The following GART variants were observed in gnomAD, a reference collection of about 807,000 sequenced individuals.
GART encodes the protein trifunctional purine biosynthetic protein adenosine-3.
In GART, 43 loss-of-function variants were observed where a neutral mutation model predicts 107.2. The observed-to-expected ratio is 0.40, with a 90% CI of 0.31 to 0.52. The LOEUF is 0.52. Ranked by LOEUF, GART falls within the 20% of genes least tolerant of loss-of-function variation. The probability of loss-of-function intolerance (pLI) is 0.52; values close to 1 mark genes in which losing one functional copy is unlikely to be tolerated. For missense variants in GART, 1,107 were observed against 1,206.5 expected (o/e 0.92, Z 1.22); for synonymous variants, 434 against 427.0 (o/e 1.02, Z -0.20).
intron 4 of GART, among the ~76,000 whole-genome samples, chr21:33,532,784 A>C (rs1265264175): frequency 6.6e-6 from 1 of 152,206 alleles, no homozygotes; most frequent in Non-Finnish European, 1.5e-5. Context: ...TAGTACTCTC[A>C]TTCAGGTAGA....
intron 16 of GART, among the ~76,000 whole-genome samples, chr21:33,515,559 G>A (rs1421214021): frequency 2.2e-5 from 3 of 138,478 alleles, no homozygotes; most frequent in Non-Finnish European, 3.0e-5. Context: ...AGAATCAGTT[G>A]AATCCAGGAG....
chr21:33,515,630 G>C (rs1482784816), intron 16 of GART, among the ~76,000 whole-genome samples: 1 of 127,686 alleles, frequency 7.8e-6, no homozygotes, highest in Admixed American at 9.5e-5. Context: ...CTCCAGCCTG[G>C]CGACAGAGCA....
chr21:33,531,489 C>A lies in GART; in HGVS notation c.597G>T (p.Ser199=). 1 of 1,612,564 alleles carries A rather than the reference C, an allele frequency of 6.2e-7. No homozygotes were observed. The highest frequency in any genetic ancestry group is 8.5e-7 in the Non-Finnish European group (1 of 1,179,228). Reference sequence around the variant, plus strand: ...AAGCCAAAAAGATGAATATACATACCGACACCTCTTCTCCGTCAAGAAGTT... The same window carrying A: ...AAGCCAAAAAGATGAATATACATACAGACACCTCTTCTCCGTCAAGAAGTT... The part of the protein sequence containing the change: ...IEELLDGEEV[S]CLCFTDGKTV... Residue 199 remains serine, a splice_region_variant and synonymous_variant, in exon 6 of 22, where the codon TCG becomes TCT. Coordinates refer to ENST00000381815, the MANE Select transcript of GART (RefSeq NM_000819.5).
rs1308820564 is a variant in GART, at chr21:33,528,289, G to T, written c.944C>A (p.Ser315Tyr). 1.2e-6 allele frequency: 2 copies of T among 1,614,068 alleles called. No individual in the cohort carries two copies. The highest frequency in any genetic ancestry group is 1.1e-5 in the South Asian group (1 of 91,018). The change falls in exon 10 of 22, where the codon TCC becomes TAC. Residue 315 changes from serine (S) to tyrosine (Y), a missense_variant. Coordinates refer to ENST00000381815, the MANE Select transcript of GART (RefSeq NM_000819.5). ...LKSDLYEVIQSTLDGLLCTSL... is the reference protein window; with the variant it reads ...LKSDLYEVIQYTLDGLLCTSL... ...TGTGCAGAGCAGTCCATCTAAGGTG[G>T]ACTGAATCACTTCATAAAGATCACT...
At position 33,528,560 on chromosome 21, in the gene GART, C is replaced by A; in HGVS notation, c.856G>T (p.Val286Phe). 1 of 1,605,486 alleles carries A rather than the reference C, an allele frequency of 6.2e-7. No individual in the cohort carries two copies. The highest frequency in any genetic ancestry group is 8.5e-7 in the Non-Finnish European group (1 of 1,178,104). ...GIMLTKNGPKVLEFNCRFGDP... is the reference protein window; with the variant it reads ...GIMLTKNGPKFLEFNCRFGDP... ...CCAAAACGGCAATTAAACTCTAGAA[C>A]TTTTGGGCCATTCTTGGTCAGCATT... The change falls in exon 9 of 22, where the codon GTT (valine) becomes TTT (phenylalanine). Residue 286 changes from valine to phenylalanine, a missense_variant. Transcript: ENST00000381815.
At chr21:33,531,121 C>G (rs2085179534) in intron 6 of GART, 15 of 392,432 alleles carry the variant, frequency 3.8e-5, no homozygotes, top group Non-Finnish European at 4.8e-5. Context: ...TCAAGCTACT[C>G]TCAAAGTAAA....
Position 33,505,788 on chromosome 21 carries a change from A to C in GART, c.2584-86T>G, listed in dbSNP as rs1003853475. 1.2e-5 allele frequency: 16 copies of C among 1,363,024 alleles called. No homozygotes were observed. The African/African-American group carries it at 2.2e-4, about 19-fold the overall frequency. 84.4% of individuals were successfully genotyped at this position (1,363,024 alleles called of 1,614,324 possible). ...TCAACCTTTACACAGACCATACTTC[A>C]CTTCCTTGTAAAGATATACCTGATA... On this transcript the variant is annotated intron_variant, in intron 19 of 21. Transcript: ENST00000381815.
intron 5 of GART, 70 bp from the exon 6 acceptor site, chr21:33,531,627 A>G: frequency 7.3e-7 from 1 of 1,370,064 alleles, no homozygotes; most frequent in Non-Finnish European, 1.0e-6. Flanking sequence ...TACTTAGTTG[A>G]CTTTTAGCAT....
rs1442991484 is a variant in GART, at chr21:33,517,013, G to A, written c.2083C>T (p.Pro695Ser). 2 of 1,606,884 alleles carry A rather than the reference G, an allele frequency of 1.2e-6. No homozygotes were observed. Among genetic ancestry groups the A allele is most frequent in the South Asian group, 1.1e-5 (1 of 89,166 alleles). ...CCTAAATCTACCCCAAGTTTCTCAG[G>A]GAGGACTCTGGGGATGTTCTCTAGT... ...GLLENIPRVL[P>S]EKLGVDLDAQ... Residue 695 changes from proline (P) to serine (S), a missense_variant, in exon 16 of 22, where the codon CCT becomes TCT. Pro to Ser is a moderately conservative substitution (Grantham distance 74). Coordinates refer to ENST00000381815, the MANE Select transcript of GART (RefSeq NM_000819.5).
At chr21:33,504,623 G>A in intron 20 of GART, 96 bp from the exon 21 acceptor site, 1 of 846,026 alleles carries the variant, frequency 1.2e-6, no homozygotes, top group Non-Finnish European at 1.9e-6. Flanking sequence ...AGTCAAACAG[G>A]AGTTGGATTT....
intron 2 of GART, among the ~76,000 whole-genome samples, chr21:33,537,806 A>G (rs902898662): frequency 6.6e-6 from 1 of 152,184 alleles, no homozygotes; most frequent in South Asian, 2.1e-4. Flanking sequence ...CAGAAGACAG[A>G]CTGCACAAAG....
intron 1 of GART, among the ~76,000 whole-genome samples, chr21:33,541,202 T>C (rs974037624): frequency 6.6e-6 from 1 of 152,242 alleles, no homozygotes; most frequent in South Asian, 2.1e-4. Context: ...TGGAGGGCAG[T>C]GGTGTGATCT....
At chr21:33,541,333 G>A (rs1222184066) in intron 1 of GART, among the ~76,000 whole-genome samples, 1 of 152,170 alleles carries the variant, frequency 6.6e-6, no homozygotes, top group South Asian at 2.1e-4. Flanking sequence ...TTTTAGTAGC[G>A]ACGGGGTTTC....
intron 17 of GART, 41 bp downstream of exon 17, chr21:33,511,211 A>G: frequency 1.2e-6 from 2 of 1,606,304 alleles, no homozygotes; most frequent in Non-Finnish European, 1.7e-6. Flanking sequence ...AAAATTATAC[A>G]GCTAAAATTA....
At chr21:33,535,426 C>T (rs2085285988) in intron 2 of GART, 106 bp from the exon 3 acceptor site, 1 of 616,282 alleles carries the variant, frequency 1.6e-6, no homozygotes. Context: ...CTTTAGTATG[C>T]TTGTTATCTG....
intron 5 of GART, 110 bp downstream of exon 5, chr21:33,532,235 A>G (rs1402991282): frequency 2.7e-6 from 2 of 736,792 alleles, no homozygotes; most frequent in African/African-American, 1.8e-5. Context: ...TAACTTACCC[A>G]TATGTTTGCA....
chr21:33,522,790 T>C (rs570829880), intron 11 of GART, among the ~76,000 whole-genome samples: 3 of 152,178 alleles, frequency 2.0e-5, no homozygotes, highest in Non-Finnish European at 4.4e-5. Flanking sequence ...CATTCCCCAC[T>C]ACCCCAGACC....
chr21:33,517,282 T>C, intron 15 of GART, 75 bp downstream of exon 15: 4 of 1,589,204 alleles, frequency 2.5e-6, no homozygotes, highest in East Asian at 2.2e-5. Context: ...TAGCTCTAAG[T>C]AATCAGAGAC....
In GART at chr21:33,520,383, T is replaced by G; in HGVS notation, c.1683A>C (p.Lys561Asn). The change falls in exon 14 of 22, where the codon AAA becomes AAC. Residue 561 changes from lysine to asparagine, a missense_variant. Lys to Asn is a moderately conservative substitution (Grantham distance 94). Transcript: ENST00000381815. ...TCATACCAAGGAGAGCACATCCAGC[T>G]TTTCCACAAGCTTTAGCAATTCCAG... ...VVAGIAKACG[K>N]AGCALLGGET... 14 of 1,614,160 alleles carry G rather than the reference T, an allele frequency of 8.7e-6. No individual in the cohort carries two copies. The highest frequency in any genetic ancestry group is 1.2e-5 in the Non-Finnish European group (14 of 1,179,992).
Sources: gnomAD v4.1 joint callset for allele counts (sites outside exome capture counted in the v4.1 genomes callset) on GRCh38, gnomAD v4.1.1 for gene constraint, MANE v1.5 for transcripts, NCBI Gene and HGNC (gene_info 2026-07-23, HGNC 2026-07-21) for gene names.